UPB1: variants seen among roughly 807,000 people sequenced by gnomAD.
UPB1 encodes the protein beta-ureidopropionase 1.
UPB1 carries 40 observed loss-of-function variants against 49.1 expected under a neutral mutation model. The ratio of observed to expected loss-of-function variants is 0.81; its 90% CI spans 0.63 to 1.06. The LOEUF (loss-of-function observed/expected upper bound fraction) is 1.06, where lower values mean the gene tolerates loss of function less well. UPB1 is among the 50% of genes least tolerant of loss of function. The pLI, the probability that UPB1 is intolerant of heterozygous loss-of-function variation, is 0.00. For missense variants in UPB1, 499 were observed against 505.9 expected (o/e 0.99, Z 0.13); for synonymous variants, 207 against 198.2 (o/e 1.04, Z -0.38).
intron 1 of UPB1, among the ~76,000 whole-genome samples, chr22:24,496,336 A>G (rs998460317): frequency 2.0e-5 from 3 of 150,372 alleles, no homozygotes; most frequent in Non-Finnish European, 4.4e-5. Flanking sequence ...TCTCCTCTGC[A>G]CTCCAGCCTG....
chr22:24,496,011 C>T (rs897567225), intron 1 of UPB1, among the ~76,000 whole-genome samples: 3 of 152,172 alleles, frequency 2.0e-5, no homozygotes, highest in Non-Finnish European at 4.4e-5. Flanking sequence ...TTTCCACTCC[C>T]TGCAAGCTTG....
intron 4 of UPB1, among the ~76,000 whole-genome samples, chr22:24,511,098 G>A (rs1039666575): frequency 6.6e-6 from 1 of 152,090 alleles, no homozygotes; most frequent in Non-Finnish European, 1.5e-5. Context: ...GTGGTCGGAG[G>A]TGACTTTTGT....
rs34035085 is a variant in UPB1 at position 24,500,256 on chromosome 22, C to A, written c.254C>A (p.Ala85Glu). Reference sequence around the variant, plus strand: ...GTTCAGAACAGAATCCCCCTCCCCGCAAATGCCCCTGTGGCAGAACAGGTG... The same window carrying A: ...GTTCAGAACAGAATCCCCCTCCCCGAAAATGCCCCTGTGGCAGAACAGGTG... ...GLVQNRIPLPANAPVAEQVSA... is the reference protein window; with the variant it reads ...GLVQNRIPLPENAPVAEQVSA... Residue 85 changes from alanine (A) to glutamate (E), a missense_variant, in exon 2 of 10, where the codon GCA (alanine) becomes GAA (glutamate). Physicochemically the swap from Ala to Glu is moderately radical, Grantham distance 107. Coordinates refer to ENST00000326010, the MANE Select transcript of UPB1 (RefSeq NM_016327.3). The A allele has an allele frequency of 8.4e-4, 1,363 of 1,614,192 alleles. 10 individuals are homozygous for A. The African/African-American group carries it at 0.014, about 17-fold the overall frequency.
At chr22:24,523,449 C>G (rs888311623) in intron 8 of UPB1, among the ~76,000 whole-genome samples, 170 bp from the exon 9 acceptor site, 1 of 152,206 alleles carries the variant, frequency 6.6e-6, no homozygotes, top group African/African-American at 2.4e-5. Flanking sequence ...ATTTGCTGGG[C>G]CTTCAGGCCT....
Position 24,513,439 on chromosome 22 carries a change from G to GA in UPB1, c.578dup (p.Thr194AspfsTer11). On this transcript the variant is annotated frameshift_variant, in exon 5 of 10. Transcript: ENST00000326010. LOFTEE classifies it high-confidence loss of function. ...ATCTCCAATTCCGGAGCAGTCCTGG[G>GA]AAAGACCAGGAAAAACCACATCCCC... is the stretch of plus-strand genomic sequence containing the variant. The GA allele has an allele frequency of 1.2e-6, 2 of 1,614,152 alleles. No individual in the cohort carries two copies. The highest frequency in any genetic ancestry group is 1.7e-6 in the Non-Finnish European group (2 of 1,180,034).
At chr22:24,506,734 C>T (rs1229427215) in intron 3 of UPB1, among the ~76,000 whole-genome samples, 6 of 152,234 alleles carry the variant, frequency 3.9e-5, no homozygotes, top group African/African-American at 7.2e-5. Flanking sequence ...ACTCTCCACC[C>T]ACCCCTGTTT....
intron 2 of UPB1, 64 bp from the exon 3 acceptor site, chr22:24,502,062 T>G: frequency 1.8e-3 from 2,725 of 1,525,914 alleles, no homozygotes; most frequent in Non-Finnish European, 2.3e-3. Context: ...TGCATTAGGA[T>G]GAGATCCTAA....
chr22:24,499,168 C>A (rs865975266), intron 1 of UPB1, among the ~76,000 whole-genome samples: 1 of 152,098 alleles, frequency 6.6e-6, no homozygotes, highest in African/African-American at 2.4e-5. Flanking sequence ...CAGGGGGCGG[C>A]GACAGGGGGC....
intron 7 of UPB1, among the ~76,000 whole-genome samples, chr22:24,521,456 CA>C (rs2044392209): frequency 6.6e-6 from 1 of 151,892 alleles, no homozygotes; most frequent in Non-Finnish European, 1.5e-5. Flanking sequence ...GCCTGGGCAA[CA>C]AAAATGAAAC....
chr22:24,511,175 C>G (rs1394844125), intron 4 of UPB1, among the ~76,000 whole-genome samples: 1 of 152,166 alleles, frequency 6.6e-6, no homozygotes, highest in East Asian at 1.9e-4. Context: ...GTTTCTCATC[C>G]AGAGCTCTGC....
chr22:24,521,978 T>C lies in UPB1; in HGVS notation c.874-8T>C. 5 of 1,614,144 alleles carry C rather than the reference T, an allele frequency of 3.1e-6. No individual in the cohort carries two copies. The highest frequency in any genetic ancestry group is 4.2e-6 in the Non-Finnish European group (5 of 1,179,996). On this transcript the variant is annotated splice_region_variant and splice_polypyrimidine_tract_variant and intron_variant, in intron 7 of 9. Coordinates refer to ENST00000326010, the MANE Select transcript of UPB1 (RefSeq NM_016327.3). ...ATAGGTTCCTCTTACCTTGGTCTTA[T>C]TTCACAGGAGCACTTCCCGAACGAG...
At chr22:24,509,247 C>T (rs2044147827) in intron 3 of UPB1, among the ~76,000 whole-genome samples, 1 of 151,894 alleles carries the variant, frequency 6.6e-6, no homozygotes, top group South Asian at 2.1e-4. Context: ...TCCCAAGGGC[C>T]CACCCCAGCG....
At chr22:24,509,959 G>C (rs189559298) in intron 3 of UPB1, among the ~76,000 whole-genome samples, 2 of 152,106 alleles carry the variant, frequency 1.3e-5, no homozygotes, top group Admixed American at 1.3e-4. Context: ...TAGGCTGGGC[G>C]TGGTGACTCA....
At chr22:24,507,457 C>G (rs2044110480) in intron 3 of UPB1, among the ~76,000 whole-genome samples, 1 of 152,118 alleles carries the variant, frequency 6.6e-6, no homozygotes, top group Non-Finnish European at 1.5e-5. Flanking sequence ...GAGGCTGAGG[C>G]TTCTCTTCCT....
intron 3 of UPB1, among the ~76,000 whole-genome samples, chr22:24,506,931 G>A (rs1318557195): frequency 2.6e-5 from 4 of 152,068 alleles, no homozygotes; most frequent in African/African-American, 9.7e-5. Flanking sequence ...TGACCACTCT[G>A]TATTGCCAGG....
Position 24,521,408 on chromosome 22 carries a change from G to C in UPB1, c.874-578G>C, listed in dbSNP as rs175766. 2.0e-5 allele frequency among the ~76,000 whole-genome samples: 3 copies of C among 151,948 alleles called. No homozygotes were observed. The East Asian group carries it at 5.8e-4, about 29-fold the overall frequency. On this transcript the variant is annotated intron_variant, in intron 7 of 9. Coordinates refer to ENST00000326010, the MANE Select transcript of UPB1 (RefSeq NM_016327.3). ...TGAGGCAGGAGAATTGCTTGAACCC[G>C]GGAGGTGGAAGAGCCGCGGTCGCAT... is the stretch of plus-strand genomic sequence containing the variant.
intron 3 of UPB1, 152 bp downstream of exon 3, chr22:24,502,365 G>C (rs2044008933): frequency 1.2e-6 from 1 of 869,056 alleles, no homozygotes; most frequent in Non-Finnish European, 2.0e-6. Flanking sequence ...AGGAACCCCG[G>C]CCTCCCTGCT....
At chr22:24,525,354 T>C (rs2044465261) in intron 9 of UPB1, among the ~76,000 whole-genome samples, 1 of 152,118 alleles carries the variant, frequency 6.6e-6, no homozygotes, top group African/African-American at 2.4e-5. Flanking sequence ...AATCCCAGCC[T>C]TTTCTACAAC....
rs756695144 is a variant in UPB1, at chr22:24,510,851, A to G, written c.459+8A>G. 1.2e-6 allele frequency: 2 copies of G among 1,614,128 alleles called. No homozygotes were observed. The highest frequency in any genetic ancestry group is 1.1e-5 in the South Asian group (1 of 91,084). ...ACCAGATTCTGTCAGAAGGTAGGAC[A>G]TTAACGGTGCCTCTGGCAGCAGCTG... is the stretch of plus-strand genomic sequence containing the variant. On this transcript the variant is annotated splice_region_variant and intron_variant, in intron 4 of 9. Coordinates refer to ENST00000326010, the MANE Select transcript of UPB1 (RefSeq NM_016327.3).
Sources: allele counts gnomAD v4.1 joint callset (sites outside exome capture counted in the v4.1 genomes callset), GRCh38; gene constraint gnomAD v4.1.1; transcripts MANE v1.5; gene names NCBI Gene and HGNC (gene_info 2026-07-23, HGNC 2026-07-21).